Variants in LRMDA observed in about 807,000 individuals in gnomAD.
LRMDA encodes leucine rich melanocyte differentiation associated.
A neutral mutation model predicts 29.8 loss-of-function variants in LRMDA; 18 were observed. The observed-to-expected ratio is 0.60, with a 90% CI of 0.42 to 0.90. LRMDA has a LOEUF of 0.90. Ranked by LOEUF, LRMDA falls within the 40% of genes least tolerant of loss-of-function variation. LRMDA has a pLI of 0.00. For missense variants in LRMDA, 273 were observed against 273.9 expected (o/e 1.00, Z 0.02); for synonymous variants, 125 against 109.4 (o/e 1.14, Z -0.89).
intron 5 of LRMDA, among the ~76,000 whole-genome samples, chr10:76,145,320 T>C (rs532776990): frequency 1.3e-5 from 2 of 152,346 alleles, no homozygotes; most frequent in East Asian, 3.9e-4. Context: ...CATCTGGTCC[T>C]GGACTTTTTT....
At chr10:75,653,593 T>C (rs1192823015) in intron 2 of LRMDA, among the ~76,000 whole-genome samples, 2 of 152,192 alleles carry the variant, frequency 1.3e-5, no homozygotes, top group Admixed American at 1.3e-4. Flanking sequence ...TTCTGGACAG[T>C]CTTGGGAGAG....
chr10:75,867,665 A>T (rs1845043491), intron 2 of LRMDA, among the ~76,000 whole-genome samples: 1 of 152,180 alleles, frequency 6.6e-6, no homozygotes, highest in Non-Finnish European at 1.5e-5. Flanking sequence ...TATCCCTAAA[A>T]ACCCCATTTT....
At chr10:76,372,091 C>T (rs1259066592) in intron 6 of LRMDA, among the ~76,000 whole-genome samples, 1 of 152,140 alleles carries the variant, frequency 6.6e-6, no homozygotes, top group East Asian at 1.9e-4. Context: ...TTTGTTTAGC[C>T]ACCTAGTGAG....
intron 2 of LRMDA, among the ~76,000 whole-genome samples, chr10:75,977,142 T>C (rs1333542584): frequency 6.6e-6 from 1 of 152,086 alleles, no homozygotes; most frequent in South Asian, 2.1e-4. Context: ...TTTTTTTCCT[T>C]TTTTAAAGAG....
rs573535862 is a variant in LRMDA, at chr10:76,082,351, A to T, written c.516+23568A>T. Among the ~76,000 whole-genome samples, 36 of 152,292 alleles carry T rather than the reference A, an allele frequency of 2.4e-4. No homozygotes were observed. The South Asian group carries it at 3.1e-3, about 13-fold the overall frequency. Reference sequence around the variant, plus strand: ...CTGTCACTTTGGGGTGAGCTGTCCAACATGGCAAGGTTTGTCTTCTAAATG... The same window carrying T: ...CTGTCACTTTGGGGTGAGCTGTCCATCATGGCAAGGTTTGTCTTCTAAATG... On this transcript the variant is annotated intron_variant, in intron 5 of 6. Transcript: ENST00000611255.
intron 2 of LRMDA, among the ~76,000 whole-genome samples, chr10:75,549,427 C>A (rs1330863289): frequency 6.6e-6 from 1 of 151,942 alleles, no homozygotes; most frequent in Non-Finnish European, 1.5e-5. Flanking sequence ...TACCAACAGA[C>A]CACTGTATTT....
intron 2 of LRMDA, among the ~76,000 whole-genome samples, chr10:76,025,439 C>A (rs1331282404): frequency 1.3e-5 from 2 of 151,706 alleles, no homozygotes; most frequent in Admixed American, 6.6e-5. Context: ...CTCATCTTAT[C>A]CATGCTGCTT....
At chr10:76,441,697 C>G (rs1214938714) in intron 6 of LRMDA, among the ~76,000 whole-genome samples, 1 of 152,082 alleles carries the variant, frequency 6.6e-6, no homozygotes, top group South Asian at 2.1e-4. Flanking sequence ...AGGCTCTGCC[C>G]CCCTCTCCTC....
intron 2 of LRMDA, among the ~76,000 whole-genome samples, chr10:75,469,146 C>A (rs1305008097): frequency 1.3e-5 from 2 of 151,900 alleles, no homozygotes; most frequent in Non-Finnish European, 2.9e-5. Context: ...ATGGTGCTGG[C>A]TCTCTTGGCT....
In LRMDA at chr10:75,451,215, C is replaced by A. The variant is rs957689638; in HGVS notation, c.131+12721C>A. The A allele has an allele frequency of 3.7e-4, 57 of 152,176 alleles. 1 individual carries two copies. Among genetic ancestry groups the A allele is most frequent in the Admixed American group, 3.5e-3 (54 of 15,288 alleles). The allele number at this position is 152,176 out of a possible 1,614,324, so 9.4% of individuals were successfully genotyped here. On this transcript the variant is annotated intron_variant, in intron 2 of 6. Transcript: ENST00000611255. ...TGAAACTGTCACGCATTAATAATTG[C>A]GAAATCCTGTAGATACTGCGTGAGT...
intron 5 of LRMDA, among the ~76,000 whole-genome samples, chr10:76,129,313 C>G (rs1849943247): frequency 6.6e-6 from 1 of 152,202 alleles, no homozygotes; most frequent in Non-Finnish European, 1.5e-5. Context: ...TGCCACAGCC[C>G]TTGACTTTTC....
chr10:76,467,772 G>A (rs542460935), intron 6 of LRMDA, among the ~76,000 whole-genome samples: 1 of 152,284 alleles, frequency 6.6e-6, no homozygotes, highest in South Asian at 2.1e-4. Flanking sequence ...TGAGCTGGGT[G>A]TTTGGAGCCC....
At chr10:75,437,751 G>A (rs1303058104) in intron 1 of LRMDA, among the ~76,000 whole-genome samples, 2 of 152,206 alleles carry the variant, frequency 1.3e-5, no homozygotes, top group Admixed American at 1.3e-4. Flanking sequence ...TGCACAGAGT[G>A]GGATTGACTG....
intron 2 of LRMDA, among the ~76,000 whole-genome samples, chr10:75,582,097 A>G (rs543977030): frequency 1.3e-5 from 2 of 152,296 alleles, no homozygotes; most frequent in South Asian, 4.1e-4. Flanking sequence ...GAGTATCTGC[A>G]GCTTTTTCAG....
intron 6 of LRMDA, among the ~76,000 whole-genome samples, chr10:76,471,119 AG>A (rs1402074198): frequency 6.6e-6 from 1 of 151,872 alleles, no homozygotes; most frequent in African/African-American, 2.4e-5. Flanking sequence ...CCAAATCTAT[AG>A]GAACAAATGA....
At chr10:75,514,173 T>A (rs1277040044) in intron 2 of LRMDA, among the ~76,000 whole-genome samples, 1 of 151,322 alleles carries the variant, frequency 6.6e-6, no homozygotes, top group Non-Finnish European at 1.5e-5. Flanking sequence ...TGTTTTTTTT[T>A]TTTTTTTCCT....
intron 5 of LRMDA, among the ~76,000 whole-genome samples, chr10:76,116,000 T>C (rs1429753405): frequency 1.3e-5 from 2 of 152,198 alleles, no homozygotes; most frequent in African/African-American, 4.8e-5. Context: ...CAGCTCAGAC[T>C]TGTGGGAAGC....
At chr10:75,978,778 TATTATA>T (rs1284521350) in intron 2 of LRMDA, among the ~76,000 whole-genome samples, 1 of 152,266 alleles carries the variant, frequency 6.6e-6, no homozygotes, top group African/African-American at 2.4e-5. Context: ...TATGCAACCA[TATTATA>T]ATTACATATC....
rs528849781 is a variant in LRMDA, at chr10:75,612,365, C to G, written c.131+173871C>G. ...CAATAATGAATATTCTTATAAATCTCTCTGGTTGAGAAACTCTAAAAATAT... is the reference window on the plus strand; with the variant it reads ...CAATAATGAATATTCTTATAAATCTGTCTGGTTGAGAAACTCTAAAAATAT... On this transcript the variant is annotated intron_variant, in intron 2 of 6. Transcript: ENST00000611255. Among the ~76,000 whole-genome samples, 50 of 151,642 alleles carry G rather than the reference C, an allele frequency of 3.3e-4. 1 individual carries two copies. The East Asian group carries it at 4.8e-3, about 15-fold the overall frequency.
Sources: allele counts gnomAD v4.1 joint callset (sites outside exome capture counted in the v4.1 genomes callset), GRCh38; gene constraint gnomAD v4.1.1; transcripts MANE v1.5; gene names NCBI Gene and HGNC (gene_info 2026-07-23, HGNC 2026-07-21).